FOXP1: variants seen among roughly 807,000 people sequenced by gnomAD.
The protein encoded by FOXP1 is forkhead box P1, also known as forkhead box protein P1.
In FOXP1, 15 loss-of-function variants were observed where a neutral mutation model predicts 98.2. That is an observed-to-expected ratio of 0.15 (90% confidence interval 0.10 to 0.24). FOXP1 has a LOEUF of 0.24. FOXP1 is among the 10% of genes least tolerant of loss of function. The pLI is 1.00. For synonymous variants in FOXP1, 371 were observed against 314.5 expected, an observed-to-expected ratio of 1.18 and a Z score of -1.90; for missense variants, 633 against 848.5, an observed-to-expected ratio of 0.75 and a Z score of 3.15.
intron 9 of FOXP1, among the ~76,000 whole-genome samples, chr3:71,048,595 G>C (rs1446672667): frequency 6.6e-6 from 1 of 151,926 alleles, no homozygotes; most frequent in Non-Finnish European, 1.5e-5. Flanking sequence ...TTTAAGAACA[G>C]CATGCATAAA....
chr3:71,563,338 C>G (rs193292715), intron 2 of FOXP1, among the ~76,000 whole-genome samples: 1 of 152,064 alleles, frequency 6.6e-6, no homozygotes, highest in Non-Finnish European at 1.5e-5. Context: ...TGGAGAGGCC[C>G]CCTAGGATGG....
intron 3 of FOXP1, among the ~76,000 whole-genome samples, chr3:71,421,117 C>G (rs1025866424): frequency 2.6e-5 from 4 of 152,172 alleles, no homozygotes; most frequent in African/African-American, 9.7e-5. Context: ...AAGGGACAGA[C>G]ACAGCAAAGC....
chr3:71,003,194 A>ATCTT (rs2042331872), intron 12 of FOXP1, among the ~76,000 whole-genome samples: 1 of 152,198 alleles, frequency 6.6e-6, no homozygotes, highest in Non-Finnish European at 1.5e-5. Context: ...CAAACGGACA[A>ATCTT]AAAGCAAGGC....
chr3:71,138,450 T>A (rs553814365), intron 6 of FOXP1, among the ~76,000 whole-genome samples: 1 of 151,850 alleles, frequency 6.6e-6, no homozygotes, highest in East Asian at 1.9e-4. Flanking sequence ...AAAAATACAT[T>A]AAAAAAAATA....
At chr3:71,063,609 T>G (rs1419957612) in intron 7 of FOXP1, among the ~76,000 whole-genome samples, 1 of 152,268 alleles carries the variant, frequency 6.6e-6, no homozygotes, top group African/African-American at 2.4e-5. Flanking sequence ...TTCCTAATGA[T>G]AAAATAAATG....
At chr3:70,989,182 G>A (rs74891943) in intron 13 of FOXP1, among the ~76,000 whole-genome samples, 10,324 of 152,106 alleles carry the variant, frequency 0.068, 342 homozygotes, top group South Asian at 0.13. Flanking sequence ...GGAAGAAGGG[G>A]GACAGGGGTC....
chr3:71,293,608 T>G (rs1201119054), intron 5 of FOXP1, among the ~76,000 whole-genome samples: 2 of 152,206 alleles, frequency 1.3e-5, no homozygotes, highest in African/African-American at 2.4e-5. Flanking sequence ...TGCCTTCATG[T>G]ACATTTCAAC....
intron 5 of FOXP1, among the ~76,000 whole-genome samples, chr3:71,200,558 G>C (rs184996206): frequency 6.6e-6 from 1 of 152,322 alleles, no homozygotes; most frequent in African/African-American, 2.4e-5. Context: ...TCACAGACCA[G>C]AATTTGGAAA....
chr3:71,528,605 G>A (rs1354056203), intron 2 of FOXP1, among the ~76,000 whole-genome samples: 2 of 152,216 alleles, frequency 1.3e-5, no homozygotes, highest in Non-Finnish European at 2.9e-5. Flanking sequence ...AGTTAGTGAT[G>A]CGGAGTCATT....
chr3:71,034,025 A>C lies in FOXP1; in HGVS notation c.869+7303T>G, dbSNP rs575609085. 9.7e-4 allele frequency among the ~76,000 whole-genome samples: 148 copies of C among 152,200 alleles called. 3 individuals carry two copies. In the South Asian group the frequency reaches 0.021, roughly 21 times the overall value. ...GTATCTTAGGCCTCTGCAGTTAGCC[A>C]CACCTGGTCCTCTTTCCGGTCCCCT... On this transcript the variant is annotated intron_variant, in intron 11 of 20. Coordinates refer to ENST00000649528, the MANE Select transcript of FOXP1 (RefSeq NM_001349338.3).
intron 3 of FOXP1, among the ~76,000 whole-genome samples, chr3:71,481,197 T>C (rs1460135159): frequency 1.3e-5 from 2 of 152,162 alleles, no homozygotes; most frequent in Non-Finnish European, 2.9e-5. Flanking sequence ...AAATTTACCA[T>C]GTGCTAACTC....
intron 5 of FOXP1, among the ~76,000 whole-genome samples, chr3:71,273,594 C>A (rs780806783): frequency 6.6e-6 from 1 of 152,144 alleles, no homozygotes; most frequent in Non-Finnish European, 1.5e-5. Context: ...TTTCAGTATC[C>A]GAGAACAAAG....
rs968199218 is a variant in FOXP1, at chr3:70,957,536, C to CAAAG, written c.*1707_*1710dup. On this transcript the variant is annotated 3_prime_UTR_variant, in exon 21 of 21. Coordinates refer to ENST00000649528, the MANE Select transcript of FOXP1 (RefSeq NM_001349338.3). Reference sequence around the variant, plus strand: ...CTTTGGTAATTTTAGAAAAAAGGTACAAAGAAAGAATATAAATTAAGCTTC... The same window carrying CAAAG: ...CTTTGGTAATTTTAGAAAAAAGGTACAAAGAAAGAAAGAATATAAATTAAGCTTC... The CAAAG allele has an allele frequency of 4.3e-6, 1 of 230,980 alleles. No individual in the cohort carries two copies. Among genetic ancestry groups the CAAAG allele is most frequent in the Non-Finnish European group, 8.6e-6 (1 of 116,636 alleles). The allele number at this position is 230,980 out of a possible 1,614,324, so 14.3% of individuals were successfully genotyped here.
chr3:71,494,736 T>A lies in FOXP1; in HGVS notation c.-297-1181A>T, dbSNP rs531779739. 5.3e-4 allele frequency among the ~76,000 whole-genome samples: 80 copies of A among 151,444 alleles called. No homozygotes were observed. The South Asian group carries it at 6.5e-3, about 12-fold the overall frequency. On this transcript the variant is annotated intron_variant, in intron 2 of 20. Transcript: ENST00000649528. ...AGACTCTGATTCACTAGATCTGGAG[T>A]GGGCCTGAGATTCTGCATTTCTAGA... is the stretch of plus-strand genomic sequence containing the variant.
chr3:71,512,903 G>A (rs150557304), intron 2 of FOXP1, among the ~76,000 whole-genome samples: 76 of 152,246 alleles, frequency 5.0e-4, no homozygotes, highest in African/African-American at 1.7e-3. Flanking sequence ...TACGGCTCAA[G>A]CACCAATGCC....
intron 4 of FOXP1, among the ~76,000 whole-genome samples, chr3:71,339,622 C>G (rs1420723685): frequency 6.6e-6 from 1 of 152,212 alleles, no homozygotes; most frequent in Non-Finnish European, 1.5e-5. Context: ...TCCCTCATTA[C>G]AGCGTTAAGG....
chr3:71,232,877 C>CCAAAAAAAAAAAAAAAAAAAA (rs1553791711), intron 5 of FOXP1, among the ~76,000 whole-genome samples: 2 of 31,422 alleles, frequency 6.4e-5, no homozygotes, highest in African/African-American at 2.1e-4. Flanking sequence ...AACTCTGTCT[C>CCAAAAAAAAAAAAAAAAAAAA]AAAAAAAAAA....
intron 5 of FOXP1, among the ~76,000 whole-genome samples, chr3:71,293,165 C>A (rs1404494511): frequency 1.3e-5 from 2 of 152,084 alleles, no homozygotes; most frequent in African/African-American, 4.8e-5. Context: ...TTTTGAATTG[C>A]CAAGGAAAGG....
intron 7 of FOXP1, among the ~76,000 whole-genome samples, chr3:71,109,353 C>CGCT (rs2057717131): frequency 6.6e-6 from 1 of 152,020 alleles, no homozygotes; most frequent in African/African-American, 2.4e-5. Context: ...AACCAGAGAG[C>CGCT]GCTGCCAAAC....
Sources: gnomAD v4.1 joint callset for allele counts (sites outside exome capture counted in the v4.1 genomes callset) on GRCh38, gnomAD v4.1.1 for gene constraint, MANE v1.5 for transcripts, NCBI Gene and HGNC (gene_info 2026-07-23, HGNC 2026-07-21) for gene names.